Variants in HS3ST5 observed in about 807,000 individuals in gnomAD.
HS3ST5 encodes the protein heparan sulfate glucosamine 3-O-sulfotransferase 5.
Under a neutral mutation model 25.4 loss-of-function variants are expected in HS3ST5, and 10 were observed. The ratio of observed to expected loss-of-function variants is 0.39; its 90% confidence interval spans 0.24 to 0.67. The LOEUF (loss-of-function observed/expected upper bound fraction) is 0.67. Ranked by LOEUF, HS3ST5 falls within the 30% of genes least tolerant of loss-of-function variation. The probability of loss-of-function intolerance (pLI) is 0.44; values close to 1 mark genes in which losing one functional copy is unlikely to be tolerated. For synonymous variants in HS3ST5, 170 were observed against 162.4 expected (o/e 1.05, Z -0.36); for missense variants, 324 against 420.7 (o/e 0.77, Z 2.01).
At chr6:114,129,436 T>C (rs868009452) in intron 3 of HS3ST5, among the ~76,000 whole-genome samples, 1 of 151,980 alleles carries the variant, frequency 6.6e-6, no homozygotes, top group South Asian at 2.1e-4. Flanking sequence ...TTTGTATTTT[T>C]AGTAGAGACA....
At chr6:114,267,722 AGGGCCTGAGAGAGT>A (rs1773469318) in intron 1 of HS3ST5, among the ~76,000 whole-genome samples, 1 of 152,188 alleles carries the variant, frequency 6.6e-6, no homozygotes. Flanking sequence ...AGAATTCCAG[AGGGCCTGAGAGAGT>A]GGGCCATGGC....
intron 1 of HS3ST5, among the ~76,000 whole-genome samples, chr6:114,284,464 A>G (rs1469009281): frequency 6.6e-6 from 1 of 151,920 alleles, no homozygotes; most frequent in Non-Finnish European, 1.5e-5. Context: ...AGCTTGTCTC[A>G]GCCACAAGAT....
At chr6:114,184,390 GGCCAAGAGACT>G (rs1209646119) in intron 2 of HS3ST5, among the ~76,000 whole-genome samples, 1 of 152,070 alleles carries the variant, frequency 6.6e-6, no homozygotes, top group Non-Finnish European at 1.5e-5. Context: ...CTGTAGATAT[GGCCAAGAGACT>G]GTTCAGTAAG....
chr6:114,071,868 A>G (rs1307121017), intron 3 of HS3ST5, among the ~76,000 whole-genome samples: 1 of 152,208 alleles, frequency 6.6e-6, no homozygotes, highest in East Asian at 1.9e-4. Flanking sequence ...AGAAGCACAT[A>G]TTACTTTTAT....
chr6:114,299,989 C>T (rs1210060092), intron 1 of HS3ST5, among the ~76,000 whole-genome samples: 1 of 152,048 alleles, frequency 6.6e-6, no homozygotes, highest in Non-Finnish European at 1.5e-5. Context: ...AGAAATGGTC[C>T]TTAAGTGCTG....
chr6:114,217,046 G>A (rs1781803287), intron 2 of HS3ST5, among the ~76,000 whole-genome samples: 1 of 152,304 alleles, frequency 6.6e-6, no homozygotes, highest in South Asian at 2.1e-4. Flanking sequence ...CAACAATTTG[G>A]ATGAACCGAA....
At chr6:114,103,744 G>A (rs1775848770) in intron 3 of HS3ST5, among the ~76,000 whole-genome samples, 1 of 145,650 alleles carries the variant, frequency 6.9e-6, no homozygotes, top group East Asian at 2.0e-4. Flanking sequence ...TGTCTCCCAG[G>A]CTGGAGTGCA....
intron 3 of HS3ST5, among the ~76,000 whole-genome samples, chr6:114,068,125 A>G (rs1017791441): frequency 3.9e-5 from 6 of 152,236 alleles, no homozygotes; most frequent in African/African-American, 1.4e-4. Flanking sequence ...TATGAAAAAT[A>G]GTATTTTAAA....
At chr6:114,127,279 T>C (rs1777088776) in intron 3 of HS3ST5, among the ~76,000 whole-genome samples, 1 of 152,096 alleles carries the variant, frequency 6.6e-6, no homozygotes, top group African/African-American at 2.4e-5. Flanking sequence ...TTCTACTTAA[T>C]TACCAATTTC....
intron 3 of HS3ST5, among the ~76,000 whole-genome samples, chr6:114,086,835 A>G (rs999733109): frequency 1.3e-5 from 2 of 152,190 alleles, no homozygotes; most frequent in Non-Finnish European, 2.9e-5. Flanking sequence ...TATACTATTA[A>G]ACTTTGAACA....
At chr6:114,129,188 G>T (rs545903287) in intron 3 of HS3ST5, among the ~76,000 whole-genome samples, 44 of 151,212 alleles carry the variant, frequency 2.9e-4, no homozygotes, top group Admixed American at 2.7e-3. Flanking sequence ...CACTGGCCAG[G>T]CATCTTCCTT....
intron 1 of HS3ST5, among the ~76,000 whole-genome samples, chr6:114,299,669 G>T (rs1774988554): frequency 6.6e-6 from 1 of 152,082 alleles, no homozygotes; most frequent in African/African-American, 2.4e-5. Flanking sequence ...TTGGGGGCAG[G>T]TTCCCCGATA....
chr6:114,097,205 T>C (rs1339573603), intron 3 of HS3ST5, among the ~76,000 whole-genome samples: 2 of 152,006 alleles, frequency 1.3e-5, no homozygotes, highest in Non-Finnish European at 2.9e-5. Context: ...GATATTAGGT[T>C]GTTTAACCTT....
At chr6:114,203,523 T>C (rs1403235758) in intron 2 of HS3ST5, among the ~76,000 whole-genome samples, 3 of 152,178 alleles carry the variant, frequency 2.0e-5, no homozygotes, top group African/African-American at 7.2e-5. Flanking sequence ...GATAACATCA[T>C]TATTGTCAAA....
intron 1 of HS3ST5, among the ~76,000 whole-genome samples, chr6:114,333,655 T>A (rs1186499259): frequency 2.6e-5 from 4 of 151,524 alleles, no homozygotes; most frequent in East Asian, 1.9e-4. Flanking sequence ...TTTTTTAAAA[T>A]TTTTTTTTGA....
At chr6:114,169,688 A>T (rs1425009449) in intron 2 of HS3ST5, among the ~76,000 whole-genome samples, 1 of 152,220 alleles carries the variant, frequency 6.6e-6, no homozygotes, top group Non-Finnish European at 1.5e-5. Context: ...ATAAACTAGA[A>T]TTATTTCCAA....
chr6:114,084,639 A>C (rs11153463), intron 3 of HS3ST5: 284,749 of 870,548 alleles, frequency 0.33, 48,527 homozygotes, highest in Non-Finnish European at 0.35. Flanking sequence ...TTAACATAAG[A>C]TGCCTTAATG....
At chr6:114,169,126 C>T (rs1779350963) in intron 2 of HS3ST5, among the ~76,000 whole-genome samples, 3 of 152,108 alleles carry the variant, frequency 2.0e-5, no homozygotes, top group South Asian at 4.1e-4. Context: ...CTCTTTCAGG[C>T]TGCTGTTAAG....
intron 1 of HS3ST5, among the ~76,000 whole-genome samples, chr6:114,324,003 GGGGA>G (rs1776074423): frequency 6.6e-6 from 1 of 152,092 alleles, no homozygotes; most frequent in Non-Finnish European, 1.5e-5. Context: ...CCCCCTGCTG[GGGGA>G]CACTGGCTTC....
Sources: gnomAD v4.1 joint callset for allele counts (sites outside exome capture counted in the v4.1 genomes callset) on GRCh38, gnomAD v4.1.1 for gene constraint, MANE v1.5 for transcripts, NCBI Gene and HGNC (gene_info 2026-07-23, HGNC 2026-07-21) for gene names.